TUBB6: variants seen among roughly 807,000 people sequenced by gnomAD.
The protein encoded by TUBB6 is tubulin beta-6 chain.
Under a neutral mutation model 32.3 loss-of-function variants are expected in TUBB6, and 18 were observed. That is an observed-to-expected ratio of 0.56 (90% CI 0.39 to 0.83). The LOEUF (loss-of-function observed/expected upper bound fraction) is 0.83, where lower values mean the gene tolerates loss of function less well. TUBB6 is among the 40% of genes least tolerant of loss of function. The pLI, the probability that TUBB6 is intolerant of heterozygous loss-of-function variation, is 0.00. For synonymous variants in TUBB6, 280 were observed against 265.8 expected, an observed-to-expected ratio of 1.05 and a Z score of -0.52; for missense variants, 480 against 632.0, an observed-to-expected ratio of 0.76 and a Z score of 2.58.
At position 12,323,323 on chromosome 18, in the gene TUBB6, C is replaced by T. The variant is rs141835251; in HGVS notation, c.278-1744C>T. On this transcript the variant is annotated intron_variant, in intron 3 of 3. Transcript: ENST00000317702. ...CAAAAATTAGTTCCTCCCACTCCTACGTGCATCTGTTCATATGGACATACA... is the reference window on the plus strand; with the variant it reads ...CAAAAATTAGTTCCTCCCACTCCTATGTGCATCTGTTCATATGGACATACA... 2.8e-3 allele frequency among the ~76,000 whole-genome samples: 427 copies of T among 152,198 alleles called. 4 individuals carry two copies. Among genetic ancestry groups the T allele is most frequent in the African/African-American group, 9.2e-3 (380 of 41,520 alleles).
rs545883222 is a variant in TUBB6 at position 12,308,628 on chromosome 18, T to A, written c.58-59T>A. ...CCGGGGCGCCTGGGGTGGGCGCGGGTGGCGGCGTCCCGGGCTCTGGGTTCT... is the reference window on the plus strand; with the variant it reads ...CCGGGGCGCCTGGGGTGGGCGCGGGAGGCGGCGTCCCGGGCTCTGGGTTCT... On this transcript the variant is annotated intron_variant, in intron 1 of 3. Transcript: ENST00000317702. 22 of 1,270,846 alleles carry A rather than the reference T, an allele frequency of 1.7e-5. No individual in the cohort carries two copies. In the South Asian group the frequency reaches 2.5e-4, roughly 14 times the overall value. 78.7% of individuals were successfully genotyped at this position (1,270,846 alleles called of 1,614,324 possible).
At chr18:12,313,794 G>C (rs1472654246) in intron 3 of TUBB6, among the ~76,000 whole-genome samples, 1 of 152,164 alleles carries the variant, frequency 6.6e-6, no homozygotes, top group African/African-American at 2.4e-5. Flanking sequence ...CCAGTTCAAG[G>C]AATCTGTTCT....
In TUBB6 at chr18:12,308,776, C is replaced by A; in HGVS notation, c.147C>A (p.Val49=). The A allele has an allele frequency of 6.2e-7, 1 of 1,609,868 alleles. No individual in the cohort carries two copies. ...DSALQLERIN[V]YYNESSSQKY... ...CGCTGCAGCTGGAGAGAATCAACGTCTACTACAATGAGTCATCGTGTGAGT... is the reference window on the plus strand; with the variant it reads ...CGCTGCAGCTGGAGAGAATCAACGTATACTACAATGAGTCATCGTGTGAGT... Residue 49 remains valine (V), a synonymous_variant, in exon 2 of 4, where the codon GTC becomes GTA. Transcript: ENST00000317702.
chr18:12,316,329 G>A (rs966329474), intron 3 of TUBB6, among the ~76,000 whole-genome samples: 4 of 152,204 alleles, frequency 2.6e-5, no homozygotes, highest in African/African-American at 9.7e-5. Flanking sequence ...GTTGACAAAT[G>A]GGATCACGAA....
intron 3 of TUBB6, among the ~76,000 whole-genome samples, chr18:12,319,065 T>G (rs754517855): frequency 3.2e-4 from 49 of 152,158 alleles, no homozygotes; most frequent in Non-Finnish European, 6.6e-4. Flanking sequence ...CCCTGAGGTT[T>G]TATTCCCTAG....
At chr18:12,311,248 G>T in intron 3 of TUBB6, 195 bp downstream of exon 3, 3 of 467,798 alleles carry the variant, frequency 6.4e-6, no homozygotes, top group Non-Finnish European at 1.1e-5. Context: ...TTTTTTGGTG[G>T]GAAGGAACCT....
In TUBB6 at chr18:12,308,804, C is replaced by G. The variant is rs1473661933; in HGVS notation, c.166+9C>G. On this transcript the variant is annotated intron_variant, in intron 2 of 3. Transcript: ENST00000317702. ...CTACAATGAGTCATCGTGTGAGTAGCAAGGCCGCCGCGCCCTGCCCGGCCG... is the reference window on the plus strand; with the variant it reads ...CTACAATGAGTCATCGTGTGAGTAGGAAGGCCGCCGCGCCCTGCCCGGCCG... 1.3e-6 allele frequency: 2 copies of G among 1,558,394 alleles called. No homozygotes were observed. Among genetic ancestry groups the G allele is most frequent in the East Asian group, 2.2e-5 (1 of 44,474 alleles).
At chr18:12,315,701 C>T (rs942814301) in intron 3 of TUBB6, among the ~76,000 whole-genome samples, 1 of 152,208 alleles carries the variant, frequency 6.6e-6, no homozygotes, top group African/African-American at 2.4e-5. Context: ...TAAAATGCAA[C>T]TCAGCGCACG....
chr18:12,326,318 G>A lies in TUBB6; in HGVS notation c.*188G>A, dbSNP rs1907328304. 22 of 862,222 alleles carry A rather than the reference G, an allele frequency of 2.6e-5. No individual in the cohort carries two copies. Among genetic ancestry groups the A allele is most frequent in the Non-Finnish European group, 3.6e-5 (21 of 585,412 alleles). The allele number at this position is 862,222 out of a possible 1,614,324, so 53.4% of individuals were successfully genotyped here. On this transcript the variant is annotated 3_prime_UTR_variant, in exon 4 of 4. Coordinates refer to ENST00000317702, the MANE Select transcript of TUBB6 (RefSeq NM_032525.3). The stretch of plus-strand genomic sequence containing the variant: ...GACTAAAAACAGCAGAGAATTGCGG[G>A]TTCTACCCAGTCAGAAGATCACACC...
downstream of TUBB6, chr18:12,329,774 G>C (rs752028185): frequency 2.7e-5 from 44 of 1,613,318 alleles, no homozygotes; most frequent in Non-Finnish European, 3.6e-5. Flanking sequence ...TCTAACAACA[G>C]AAGAGCAACC....
downstream of TUBB6, among the ~76,000 whole-genome samples, chr18:12,327,230 G>A (rs998866481): frequency 2.0e-5 from 3 of 152,152 alleles, no homozygotes; most frequent in Admixed American, 2.0e-4. Context: ...TGCCTCCCAC[G>A]TGGGCAGCCC....
At chr18:12,327,580 C>G (rs746834005), downstream of TUBB6, among the ~76,000 whole-genome samples, 4 of 152,174 alleles carry the variant, frequency 2.6e-5, no homozygotes, top group Non-Finnish European at 5.9e-5. Context: ...TACCAGCTCA[C>G]CACCCACATC....
chr18:12,312,160 A>G (rs1906418338), intron 3 of TUBB6, among the ~76,000 whole-genome samples: 1 of 152,246 alleles, frequency 6.6e-6, no homozygotes, highest in Non-Finnish European at 1.5e-5. Context: ...TTCCAGAGAG[A>G]AAATGATGGA....
chr18:12,328,841 C>T (rs953363349), downstream of TUBB6: 17 of 315,194 alleles, frequency 5.4e-5, no homozygotes, highest in Admixed American at 2.6e-4. Context: ...TGAGAACCAG[C>T]GAGGCTGAGA....
intron 3 of TUBB6, among the ~76,000 whole-genome samples, chr18:12,321,065 C>T (rs1220654294): frequency 6.6e-6 from 1 of 152,158 alleles, no homozygotes; most frequent in Non-Finnish European, 1.5e-5. Flanking sequence ...AAGGGTTTAG[C>T]ATTATTTCCA....
intron 3 of TUBB6, among the ~76,000 whole-genome samples, chr18:12,314,473 A>C (rs1372637798): frequency 6.6e-6 from 1 of 152,030 alleles, no homozygotes; most frequent in Non-Finnish European, 1.5e-5. Flanking sequence ...TCCAACTAAT[A>C]CACCTTTTAG....
At chr18:12,321,040 C>T (rs541914285) in intron 3 of TUBB6, among the ~76,000 whole-genome samples, 2 of 152,276 alleles carry the variant, frequency 1.3e-5, no homozygotes, top group Non-Finnish European at 2.9e-5. Context: ...TTTTAATTTG[C>T]GTTTCCCTTA....
Position 12,326,144 on chromosome 18 carries a change from G to A in TUBB6, c.*14G>A, listed in dbSNP as rs374259038. ...ATCGATGGATAGTCGGAATAGAGCC[G>A]CCCCAACTCAGATCCTACAACACGC... On this transcript the variant is annotated 3_prime_UTR_variant, in exon 4 of 4. Coordinates refer to ENST00000317702, the MANE Select transcript of TUBB6 (RefSeq NM_032525.3). 4.4e-5 allele frequency: 70 copies of A among 1,599,952 alleles called. No individual in the cohort carries two copies. The African/African-American group carries it at 7.2e-4, about 16-fold the overall frequency.
rs1357789685 is a variant in TUBB6, at chr18:12,326,076, C to T, written c.1287C>T (p.Thr429=). 1.2e-6 allele frequency: 2 copies of T among 1,614,128 alleles called. No homozygotes were observed. The highest frequency in any genetic ancestry group is 1.7e-6 in the Non-Finnish European group (2 of 1,180,022). The part of the protein sequence containing the change: ...VSEYQQYQDA[T]ANDGEEAFED... ...AGTACCAGCAGTACCAGGATGCCAC[C>T]GCCAATGACGGGGAGGAAGCTTTTG... The change falls in exon 4 of 4, where the codon ACC becomes ACT. Residue 429 remains threonine (T), a synonymous_variant. Transcript: ENST00000317702.
Sources: allele counts gnomAD v4.1 joint callset (sites outside exome capture counted in the v4.1 genomes callset), GRCh38; gene constraint gnomAD v4.1.1; transcripts MANE v1.5; gene names NCBI Gene and HGNC (gene_info 2026-07-23, HGNC 2026-07-21).